GOLGB1: variants seen among roughly 807,000 people sequenced by gnomAD.
GOLGB1 encodes the protein golgin B1.
GOLGB1 carries 174 observed loss-of-function variants against 336.9 expected under a neutral mutation model. That is an observed-to-expected ratio of 0.52 (90% CI 0.46 to 0.59). The LOEUF is 0.59. Among genes scored for constraint, GOLGB1 ranks in the 20% least tolerant of loss-of-function variants. The pLI, the probability that GOLGB1 is intolerant of heterozygous loss-of-function variation, is 0.00. For synonymous variants in GOLGB1, 1,208 were observed against 1,289.2 expected, an observed-to-expected ratio of 0.94 and a Z score of 1.35; for missense variants, 3,331 against 3,645.3, an observed-to-expected ratio of 0.91 and a Z score of 2.22.
chr3:121,713,556 G>A (rs749616593), intron 10 of GOLGB1, among the ~76,000 whole-genome samples: 4 of 152,186 alleles, frequency 2.6e-5, no homozygotes, highest in Admixed American at 6.5e-5. Flanking sequence ...TGTATATGAT[G>A]CTGTGAAACA....
Position 121,729,996 on chromosome 3 carries a change from T to G in GOLGB1, c.118A>C (p.Met40Leu), listed in dbSNP as rs1560314573. The G allele has an allele frequency of 2.5e-6, 4 of 1,612,260 alleles. No individual in the cohort carries two copies. The Admixed American group carries it at 5.0e-5, about 20-fold the overall frequency. ...TCTTGTGTAGTATTATTAAATTCCA[T>G]GTCAGATTCTTGGTGTAATTCCTAA... ...LDPELHQESD[M>L]EFNNTTQEDV... The change falls in exon 3 of 22, where the codon ATG becomes CTG. Residue 40 changes from methionine (M) to leucine (L), a missense_variant. Physicochemically the swap from Met to Leu is conservative, Grantham distance 15. Transcript: ENST00000614479.
intron 14 of GOLGB1, among the ~76,000 whole-genome samples, chr3:121,682,075 A>T (rs900148697): frequency 6.6e-6 from 1 of 152,188 alleles, no homozygotes; most frequent in African/African-American, 2.4e-5. Context: ...AGCTGCCATC[A>T]AGGCTACAGG....
intron 11 of GOLGB1, among the ~76,000 whole-genome samples, chr3:121,700,763 C>G (rs1413645793): frequency 6.6e-6 from 1 of 152,058 alleles, no homozygotes; most frequent in South Asian, 2.1e-4. Flanking sequence ...TCTGCTTAGC[C>G]TCTTTGCATG....
rs1194523677 is a variant in GOLGB1 at position 121,691,998 on chromosome 3, C to G, written c.7366G>C (p.Glu2456Gln). The change falls in exon 14 of 22, where the codon GAA (glutamate) becomes CAA (glutamine). Residue 2456 changes from glutamate (E) to glutamine (Q), a missense_variant. Coordinates refer to ENST00000614479, the MANE Select transcript of GOLGB1 (RefSeq NM_001366282.2). ...LMETLKTIKK[E>Q]NIQQKAQLDS... ...AACTGTGCCTTTTGCTGAATGTTTTCCTTTTTGATGGTTTTCAGTGTTTCC... is the reference window on the plus strand; with the variant it reads ...AACTGTGCCTTTTGCTGAATGTTTTGCTTTTTGATGGTTTTCAGTGTTTCC... 3.1e-6 allele frequency: 5 copies of G among 1,613,534 alleles called. No individual in the cohort carries two copies. In the African/African-American group the frequency reaches 4.0e-5, roughly 13 times the overall value.
At chr3:121,711,846 C>T (rs1402420815) in intron 10 of GOLGB1, among the ~76,000 whole-genome samples, 3 of 152,148 alleles carry the variant, frequency 2.0e-5, no homozygotes, top group Non-Finnish European at 4.4e-5. Flanking sequence ...GAGAGATATA[C>T]TATATTCGTA....
chr3:121,737,296 C>T (rs989369635), intron 1 of GOLGB1, among the ~76,000 whole-genome samples: 1 of 152,164 alleles, frequency 6.6e-6, no homozygotes, highest in African/African-American at 2.4e-5. Context: ...CTATGCATAG[C>T]ATTAGTTTAC....
intron 5 of GOLGB1, among the ~76,000 whole-genome samples, chr3:121,725,529 T>C (rs1945521394): frequency 6.6e-6 from 1 of 152,108 alleles, no homozygotes; most frequent in African/African-American, 2.4e-5. Context: ...TGTTTTTATT[T>C]CACAGGCTCA....
intron 9 of GOLGB1, among the ~76,000 whole-genome samples, chr3:121,716,333 C>T (rs780499189): frequency 9.2e-5 from 14 of 152,154 alleles, no homozygotes; most frequent in Non-Finnish European, 1.6e-4. Flanking sequence ...AAGAAAAGCA[C>T]TGAGATCCAT....
intron 1 of GOLGB1, 75 bp downstream of exon 1, chr3:121,749,557 T>A (rs1298863923): frequency 6.6e-6 from 1 of 152,250 alleles, no homozygotes; most frequent in Non-Finnish European, 1.5e-5. Context: ...CTTGGGCAGC[T>A]CCCGCGGCCC....
At position 121,729,328 on chromosome 3, in the gene GOLGB1, C is replaced by A. The variant is rs199737833; in HGVS notation, c.262G>T (p.Ala88Ser). The A allele has an allele frequency of 5.1e-5, 82 of 1,611,938 alleles. No homozygotes were observed. The highest frequency in any genetic ancestry group is 6.6e-5 in the Non-Finnish European group (78 of 1,178,724). The change falls in exon 4 of 22, where the codon GCT becomes TCT. Residue 88 changes from alanine to serine, a missense_variant. Physicochemically the swap from Ala to Ser is moderately conservative, Grantham distance 99. Coordinates refer to ENST00000614479, the MANE Select transcript of GOLGB1 (RefSeq NM_001366282.2). ...KDEALQEERKAADNKIKKLKL... is the reference protein window; with the variant it reads ...KDEALQEERKSADNKIKKLKL... Reference sequence around the variant, plus strand: ...AGTTTTTTAATTTTGTTATCAGCAGCTTTTCTCTCTTCCTGCCCAAAAACA... The same window carrying A: ...AGTTTTTTAATTTTGTTATCAGCAGATTTTCTCTCTTCCTGCCCAAAAACA...
In GOLGB1 at chr3:121,698,602, CA is replaced by C. The variant is rs1368144725; in HGVS notation, c.1920del (p.Glu641LysfsTer19). On this transcript the variant is annotated frameshift_variant, in exon 13 of 22. Transcript: ENST00000614479. LOFTEE classifies it high-confidence loss of function. ...MPNEESSLPAVEKEQASTEHQ... is the reference protein window; with the variant it reads ...MPNEESSLPAXEKEQASTEHQ... ...TGTTCAGTGCTCGCCTGTTCTTTTT[CA>C]ACTGCTGGAAGACTGCTCTCTTCAT... 3 of 1,613,702 alleles carry C rather than the reference CA, an allele frequency of 1.9e-6. No individual in the cohort carries two copies. The highest frequency in any genetic ancestry group is 2.5e-6 in the Non-Finnish European group (3 of 1,179,842).
intron 10 of GOLGB1, among the ~76,000 whole-genome samples, chr3:121,713,665 T>A (rs1243945559): frequency 6.6e-6 from 1 of 152,138 alleles, no homozygotes; most frequent in African/African-American, 2.4e-5. Flanking sequence ...GAGGTGATGG[T>A]AATGTGATAT....
rs375250064 is a variant in GOLGB1 at position 121,691,005 on chromosome 3, C to G, written c.8359G>C (p.Asp2787His). ...KEQGLLNRERDALLSETAFSM... is the reference protein window; with the variant it reads ...KEQGLLNRERHALLSETAFSM... ...AAGGCGGTTTCAGAAAGAAGAGCATCTCTCTCTCTGTTTAAGAGTCCCTGT... is the reference window on the plus strand; with the variant it reads ...AAGGCGGTTTCAGAAAGAAGAGCATGTCTCTCTCTGTTTAAGAGTCCCTGT... The change falls in exon 14 of 22, where the codon GAT becomes CAT. Residue 2787 changes from aspartate to histidine, a missense_variant. Asp to His is a moderately conservative substitution (Grantham distance 81). Coordinates refer to ENST00000614479, the MANE Select transcript of GOLGB1 (RefSeq NM_001366282.2). The G allele has an allele frequency of 6.2e-7, 1 of 1,611,292 alleles. No homozygotes were observed.
At chr3:121,710,951 G>C (rs1262573776) in intron 10 of GOLGB1, among the ~76,000 whole-genome samples, 1 of 152,126 alleles carries the variant, frequency 6.6e-6, no homozygotes, top group Admixed American at 6.6e-5. Flanking sequence ...AGGCCAAGAC[G>C]GGTAGATCAC....
chr3:121,685,741 G>C, intron 14 of GOLGB1, among the ~76,000 whole-genome samples: 1 of 152,000 alleles, frequency 6.6e-6, no homozygotes, highest in South Asian at 2.1e-4. Flanking sequence ...AAGCTAAAAG[G>C]GTTGAAAGCA....
intron 10 of GOLGB1, among the ~76,000 whole-genome samples, chr3:121,706,529 G>A (rs1046630342): frequency 6.6e-6 from 1 of 151,914 alleles, no homozygotes; most frequent in Non-Finnish European, 1.5e-5. Flanking sequence ...TGAGACAAGA[G>A]TTCGAGACTA....
At chr3:121,668,194 A>C in intron 18 of GOLGB1, 36 bp from the exon 19 acceptor site, 3 of 1,235,060 alleles carry the variant, frequency 2.4e-6, no homozygotes, top group Non-Finnish European at 3.5e-6. Flanking sequence ...TCAGTGATGA[A>C]AGCTCTTAAG....
At chr3:121,727,712 T>G (rs1945784314) in intron 4 of GOLGB1, among the ~76,000 whole-genome samples, 1 of 152,060 alleles carries the variant, frequency 6.6e-6, no homozygotes, top group African/African-American at 2.4e-5. Flanking sequence ...ACTGAGATTC[T>G]GCCTCTTTGT....
chr3:121,714,417 C>CT (rs575984979), intron 10 of GOLGB1, among the ~76,000 whole-genome samples: 7 of 151,912 alleles, frequency 4.6e-5, no homozygotes, highest in Non-Finnish European at 8.8e-5. Flanking sequence ...CCATTATATA[C>CT]TTTTTTACTG....
Sources: allele counts gnomAD v4.1 joint callset (sites outside exome capture counted in the v4.1 genomes callset), GRCh38; gene constraint gnomAD v4.1.1; transcripts MANE v1.5; gene names NCBI Gene and HGNC (gene_info 2026-07-23, HGNC 2026-07-21).